Variants in EXOC4 observed in about 807,000 individuals in gnomAD.
EXOC4 encodes exocyst complex component 4.
A neutral mutation model predicts 107.2 loss-of-function variants in EXOC4; 71 were observed. That is an observed-to-expected ratio of 0.66 (90% CI 0.55 to 0.81). EXOC4 has a LOEUF of 0.81. Ranked by LOEUF, EXOC4 falls within the 30% of genes least tolerant of loss-of-function variation. EXOC4 has a pLI of 0.00. For synonymous variants in EXOC4, 456 were observed against 441.2 expected, an observed-to-expected ratio of 1.03 and a Z score of -0.42; for missense variants, 1,108 against 1,189.6, an observed-to-expected ratio of 0.93 and a Z score of 1.01.
At chr7:133,425,855 C>T (rs1259819865) in intron 7 of EXOC4, among the ~76,000 whole-genome samples, 1 of 152,184 alleles carries the variant, frequency 6.6e-6, no homozygotes, top group Non-Finnish European at 1.5e-5. Context: ...AACCAATTGT[C>T]AACCAGAAAA....
chr7:134,028,521 C>T (rs995150247), intron 17 of EXOC4, among the ~76,000 whole-genome samples: 10 of 152,304 alleles, frequency 6.6e-5, no homozygotes, highest in East Asian at 1.9e-4. Context: ...TGCTGAGATG[C>T]GTAAAGTGAA....
intron 11 of EXOC4, among the ~76,000 whole-genome samples, chr7:133,859,150 TA>T (rs1263531853): frequency 1.3e-5 from 2 of 152,146 alleles, no homozygotes; most frequent in African/African-American, 4.8e-5. Flanking sequence ...AAGCAGCCAT[TA>T]GAGGCAAATG....
intron 9 of EXOC4, among the ~76,000 whole-genome samples, chr7:133,503,868 C>T (rs1226119328): frequency 6.6e-6 from 1 of 151,848 alleles, no homozygotes; most frequent in East Asian, 1.9e-4. Flanking sequence ...TCTGTGACAC[C>T]CAGCAGTGTC....
chr7:133,640,860 CT>C (rs1802836734), intron 10 of EXOC4, among the ~76,000 whole-genome samples: 1 of 4,014 alleles, frequency 2.5e-4, no homozygotes, highest in Non-Finnish European at 1.8e-3. Context: ...AATCGACATT[CT>C]CTCTCTCTCT....
chr7:134,069,478 T>G (rs951396432), downstream of EXOC4, among the ~76,000 whole-genome samples: 4 of 151,268 alleles, frequency 2.6e-5, no homozygotes, highest in African/African-American at 9.7e-5. Flanking sequence ...CTCCATCCTC[T>G]TCTCCTCCTT....
chr7:133,453,968 A>G (rs1275371416), intron 7 of EXOC4, among the ~76,000 whole-genome samples: 1 of 152,186 alleles, frequency 6.6e-6, no homozygotes, highest in Non-Finnish European at 1.5e-5. Flanking sequence ...AAGACACAAT[A>G]TTGTTCTTAG....
intron 9 of EXOC4, among the ~76,000 whole-genome samples, chr7:133,516,531 G>C (rs1799878327): frequency 6.6e-6 from 1 of 152,070 alleles, no homozygotes; most frequent in Non-Finnish European, 1.5e-5. Flanking sequence ...TTTCATTGCT[G>C]AATAATATTC....
intron 11 of EXOC4, among the ~76,000 whole-genome samples, chr7:133,885,878 A>G (rs550155685): frequency 6.0e-5 from 9 of 149,772 alleles, no homozygotes; most frequent in African/African-American, 1.7e-4. Flanking sequence ...TAATTTTAAT[A>G]GAGAAAAAAA....
chr7:133,568,652 A>G (rs539779355), intron 9 of EXOC4, among the ~76,000 whole-genome samples: 2 of 152,262 alleles, frequency 1.3e-5, no homozygotes, highest in South Asian at 4.1e-4. Context: ...TGTCCCTCAT[A>G]GAGCATATTA....
intron 10 of EXOC4, among the ~76,000 whole-genome samples, chr7:133,642,117 C>G (rs1329046922): frequency 6.6e-6 from 1 of 152,096 alleles, no homozygotes; most frequent in Non-Finnish European, 1.5e-5. Context: ...AATTTTGGGG[C>G]AAAATTCTTC....
At chr7:133,927,460 A>G (rs535940928) in intron 13 of EXOC4, among the ~76,000 whole-genome samples, 6 of 152,358 alleles carry the variant, frequency 3.9e-5, no homozygotes, top group Middle Eastern at 3.4e-3. Flanking sequence ...TCAACGTAAT[A>G]TAAGCAACAG....
intron 12 of EXOC4, among the ~76,000 whole-genome samples, chr7:133,908,640 G>A (rs1033829947): frequency 6.6e-6 from 1 of 152,180 alleles, no homozygotes; most frequent in African/African-American, 2.4e-5. Flanking sequence ...TACCTACCAC[G>A]CAGGGTGGTT....
At chr7:133,484,548 C>T (rs1263772390) in intron 9 of EXOC4, among the ~76,000 whole-genome samples, 1 of 151,204 alleles carries the variant, frequency 6.6e-6, no homozygotes, top group African/African-American at 2.4e-5. Flanking sequence ...TAAAAAAAAA[C>T]AAAAACAAAA....
chr7:133,718,957 T>C (rs1468256818), intron 10 of EXOC4, among the ~76,000 whole-genome samples: 4 of 152,150 alleles, frequency 2.6e-5, no homozygotes, highest in Non-Finnish European at 5.9e-5. Flanking sequence ...TTCCAGTCCA[T>C]TTGGAGCCAT....
chr7:133,568,789 A>G (rs978023291), intron 9 of EXOC4, among the ~76,000 whole-genome samples: 1 of 152,186 alleles, frequency 6.6e-6, no homozygotes, highest in African/African-American at 2.4e-5. Context: ...ATGGGAAAGA[A>G]CAGGACTCAG....
intron 9 of EXOC4, among the ~76,000 whole-genome samples, chr7:133,574,982 A>G (rs753060156): frequency 2.3e-4 from 35 of 152,244 alleles, no homozygotes; most frequent in Non-Finnish European, 4.6e-4. Flanking sequence ...ATATGCGTTT[A>G]TATTATCTGT....
At chr7:134,009,018 A>T (rs1794707906) in intron 17 of EXOC4, among the ~76,000 whole-genome samples, 1 of 152,146 alleles carries the variant, frequency 6.6e-6, no homozygotes, top group Non-Finnish European at 1.5e-5. Flanking sequence ...TCTTAACCCC[A>T]TCTAAACCTT....
intron 15 of EXOC4, among the ~76,000 whole-genome samples, chr7:133,999,196 TTTTTC>T (rs1171170271): frequency 6.6e-6 from 1 of 152,160 alleles, no homozygotes; most frequent in African/African-American, 2.4e-5. Context: ...TGATAGAATA[TTTTTC>T]TTTTCATTTG....
intron 7 of EXOC4, among the ~76,000 whole-genome samples, chr7:133,387,181 G>C (rs1193622831): frequency 6.6e-6 from 1 of 152,182 alleles, no homozygotes; most frequent in Non-Finnish European, 1.5e-5. Context: ...AGTGATACAG[G>C]ATTGGTCATA....
Sources: gnomAD v4.1 joint callset for allele counts (sites outside exome capture counted in the v4.1 genomes callset) on GRCh38, gnomAD v4.1.1 for gene constraint, MANE v1.5 for transcripts, NCBI Gene and HGNC (gene_info 2026-07-23, HGNC 2026-07-21) for gene names.